Variants in ARHGEF28 observed in about 807,000 individuals in gnomAD.
ARHGEF28 encodes 190 kDa guanine nucleotide exchange factor.
Under a neutral mutation model 206.6 loss-of-function variants are expected in ARHGEF28, and 152 were observed. That is an observed-to-expected ratio of 0.74 (90% CI 0.64 to 0.84). ARHGEF28 has a LOEUF of 0.84. Ranked by LOEUF, ARHGEF28 falls within the 40% of genes least tolerant of loss-of-function variation. The probability of loss-of-function intolerance (pLI) is 0.00; values close to 1 mark genes in which losing one functional copy is unlikely to be tolerated. For missense variants in ARHGEF28, 2,028 were observed against 2,073.2 expected (o/e 0.98, Z 0.42); for synonymous variants, 763 against 776.4 (o/e 0.98, Z 0.29).
At chr5:73,847,821 C>T (rs1368380642) in intron 12 of ARHGEF28, among the ~76,000 whole-genome samples, 2 of 152,164 alleles carry the variant, frequency 1.3e-5, no homozygotes, top group Non-Finnish European at 2.9e-5. Flanking sequence ...GTGGCCAGCT[C>T]ACTGTTTAGG....
chr5:73,892,019 T>C, intron 26 of ARHGEF28, 33 bp from the exon 27 acceptor site: 2 of 1,571,270 alleles, frequency 1.3e-6, no homozygotes, highest in Non-Finnish European at 1.7e-6. Flanking sequence ...GCTAGGATGC[T>C]GTTTCATCTG....
At chr5:73,836,223 A>G (rs1017460327) in intron 10 of ARHGEF28, among the ~76,000 whole-genome samples, 1 of 151,200 alleles carries the variant, frequency 6.6e-6, no homozygotes, top group African/African-American at 2.4e-5. Flanking sequence ...AGGAACTTTC[A>G]TACTGTTTTC....
At chr5:73,797,295 A>C (rs1005716570) in intron 9 of ARHGEF28, among the ~76,000 whole-genome samples, 4 of 151,684 alleles carry the variant, frequency 2.6e-5, no homozygotes, top group Admixed American at 2.0e-4. Context: ...CTGAGAGAGA[A>C]GGGGACAGCA....
chr5:73,696,243 C>T lies in ARHGEF28; in HGVS notation c.33+11359C>T, dbSNP rs371644735. The stretch of plus-strand genomic sequence containing the variant: ...GTCATTAGGGGGAGGGTCCCATTGA[C>T]AAAAGTGTTGATAATTAAAGATGAT... On this transcript the variant is annotated intron_variant, in intron 2 of 35. Coordinates refer to ENST00000513042, the MANE Select transcript of ARHGEF28 (RefSeq NM_001177693.2). 5.3e-5 allele frequency among the ~76,000 whole-genome samples: 8 copies of T among 152,168 alleles called. No homozygotes were observed. In the East Asian group the frequency reaches 1.5e-3, roughly 29 times the overall value.
At chr5:73,848,950 A>G in intron 12 of ARHGEF28, 26 bp from the exon 13 acceptor site, 1 of 1,467,038 alleles carries the variant, frequency 6.8e-7, no homozygotes, top group East Asian at 2.5e-5. Context: ...ATAAATTTTT[A>G]AACACTTTAT....
At chr5:73,802,953 G>A (rs1755231966) in intron 9 of ARHGEF28, among the ~76,000 whole-genome samples, 1 of 150,290 alleles carries the variant, frequency 6.7e-6, no homozygotes. Context: ...AGTATCCAGT[G>A]GCTAATTCCT....
At chr5:73,806,381 G>GAT (rs10670375) in intron 9 of ARHGEF28, among the ~76,000 whole-genome samples, 98,407 of 115,246 alleles carry the variant, frequency 0.85, 43,028 homozygotes, top group East Asian at 0.97. Flanking sequence ...ACTATATATA[G>GAT]ATATATAGAT....
intron 9 of ARHGEF28, among the ~76,000 whole-genome samples, chr5:73,828,727 T>C (rs1369221861): frequency 2.6e-5 from 4 of 151,766 alleles, no homozygotes; most frequent in Non-Finnish European, 5.9e-5. Flanking sequence ...TTTCTTTCTC[T>C]CTGTCTTTCT....
At chr5:73,844,528 G>C (rs1011323784) in intron 11 of ARHGEF28, among the ~76,000 whole-genome samples, 1 of 151,266 alleles carries the variant, frequency 6.6e-6, no homozygotes, top group African/African-American at 2.4e-5. Flanking sequence ...CATGTATTCA[G>C]TTAACTTACT....
intron 35 of ARHGEF28, among the ~76,000 whole-genome samples, chr5:73,938,779 A>C (rs552685638): frequency 6.6e-6 from 1 of 152,290 alleles, no homozygotes; most frequent in African/African-American, 2.4e-5. Context: ...CCAGTGTGGT[A>C]AAATAGGATT....
At chr5:73,828,406 A>G (rs750280778) in intron 9 of ARHGEF28, among the ~76,000 whole-genome samples, 5 of 152,216 alleles carry the variant, frequency 3.3e-5, no homozygotes, top group Non-Finnish European at 1.5e-5. Flanking sequence ...TGCCAATGTT[A>G]TTAATGATTG....
In ARHGEF28 at chr5:73,909,941, G is replaced by A. The variant is rs757930112; in HGVS notation, c.4647+44G>A. 6 of 1,474,580 alleles carry A rather than the reference G, an allele frequency of 4.1e-6. No homozygotes were observed. In the East Asian group the frequency reaches 9.4e-5, roughly 23 times the overall value. The allele number at this position is 1,474,580 out of a possible 1,614,324, so 91.3% of individuals were successfully genotyped here. On this transcript the variant is annotated intron_variant, in intron 34 of 35. Transcript: ENST00000513042. ...GCTGTGAGGCAGCCTCTCAAAGACA[G>A]GGGTGGGCCTGGGGGCTCCTAGGAC... is the stretch of plus-strand genomic sequence containing the variant.
intron 9 of ARHGEF28, among the ~76,000 whole-genome samples, chr5:73,817,871 C>T (rs1330163260): frequency 6.6e-6 from 1 of 152,204 alleles, no homozygotes; most frequent in African/African-American, 2.4e-5. Context: ...TTGTGCCTCC[C>T]CATCTTAGCT....
At chr5:73,655,320 T>G (rs1745119129) in intron 1 of ARHGEF28, among the ~76,000 whole-genome samples, 1 of 117,704 alleles carries the variant, frequency 8.5e-6, no homozygotes, top group African/African-American at 2.7e-5. Flanking sequence ...AGTGACAGCT[T>G]CTTGGTAGTT....
intron 25 of ARHGEF28, 133 bp downstream of exon 25, chr5:73,886,237 A>C: frequency 1.7e-6 from 2 of 1,171,894 alleles, no homozygotes; most frequent in Non-Finnish European, 2.3e-6. Flanking sequence ...TGAAAGATTG[A>C]TTTGTGAATT....
intron 1 of ARHGEF28, among the ~76,000 whole-genome samples, chr5:73,630,168 G>A (rs939009209): frequency 7.2e-5 from 11 of 152,146 alleles, no homozygotes; most frequent in South Asian, 2.1e-4. Flanking sequence ...TAGATGAAGC[G>A]TATATTGTAT....
chr5:73,672,970 A>C (rs1233399666), intron 1 of ARHGEF28, among the ~76,000 whole-genome samples: 1 of 152,188 alleles, frequency 6.6e-6, no homozygotes, highest in East Asian at 1.9e-4. Context: ...AATTAATGAG[A>C]TCTTAGTGAA....
intron 2 of ARHGEF28, among the ~76,000 whole-genome samples, chr5:73,709,849 T>C (rs1749142624): frequency 6.6e-6 from 1 of 152,228 alleles, no homozygotes; most frequent in Admixed American, 6.5e-5. Flanking sequence ...TGTATATGGC[T>C]TCTTATACTT....
At chr5:73,720,608 G>C (rs1749883559) in intron 2 of ARHGEF28, among the ~76,000 whole-genome samples, 1 of 152,182 alleles carries the variant, frequency 6.6e-6, no homozygotes. Context: ...CGACAAGTTG[G>C]AAGGAGGCTC....
Sources: gnomAD v4.1 joint callset for allele counts (sites outside exome capture counted in the v4.1 genomes callset) on GRCh38, gnomAD v4.1.1 for gene constraint, MANE v1.5 for transcripts, NCBI Gene and HGNC (gene_info 2026-07-23, HGNC 2026-07-21) for gene names.